The following LONRF2 variants were observed in gnomAD, a reference collection of about 807,000 sequenced individuals.
The protein encoded by LONRF2 is LON peptidase N-terminal domain and ring finger 2, also known as LON peptidase N-terminal domain and RING finger protein 2.
In LONRF2, 35 loss-of-function variants were observed where a neutral mutation model predicts 66.6. The ratio of observed to expected loss-of-function variants is 0.53; its 90% CI spans 0.40 to 0.70. The LOEUF (loss-of-function observed/expected upper bound fraction) is 0.70. Among genes scored for constraint, LONRF2 ranks in the 30% least tolerant of loss-of-function variants. The pLI is 0.00. For missense variants in LONRF2, 902 were observed against 1,002.1 expected, an observed-to-expected ratio of 0.90 and a Z score of 1.35; for synonymous variants, 417 against 418.1, an observed-to-expected ratio of 1.00 and a Z score of 0.03.
At position 100,287,031 on chromosome 2, in the gene LONRF2, A is replaced by G; in HGVS notation, c.1953T>C (p.Ala651=). The G allele has an allele frequency of 1.2e-6, 2 of 1,614,000 alleles. No homozygotes were observed. Among genetic ancestry groups the G allele is most frequent in the South Asian group, 1.1e-5 (1 of 91,022 alleles). The change falls in exon 11 of 12, where the codon GCT becomes GCC. Residue 651 remains alanine, a synonymous_variant. Coordinates refer to ENST00000393437, the MANE Select transcript of LONRF2 (RefSeq NM_198461.4). ...VEGPEYEELA[A]LHDSVHQQSV... ...ACTGTTGATGCACAGAATCGTGGAG[A>G]GCGGCAAGTTCTTCATACTCTGGAC...
intron 1 of LONRF2, among the ~76,000 whole-genome samples, chr2:100,318,194 T>C (rs1333690987): frequency 2.6e-5 from 4 of 152,230 alleles, no homozygotes; most frequent in Non-Finnish European, 5.9e-5. Context: ...AACTTGCTTC[T>C]GAGTTTTCTC....
rs1674681341 is a variant in LONRF2, at chr2:100,280,018, T to C, written c.*4280A>G. ...TGTCAATGGCATCCACCTTTCTGCG[T>C]CCTCAATCAGTTACTTTTATCAGAC... On this transcript the variant is annotated 3_prime_UTR_variant, in exon 12 of 12. Transcript: ENST00000393437. 6.6e-6 allele frequency: 1 copy of C among 152,212 alleles called. No homozygotes were observed. Among genetic ancestry groups the C allele is most frequent in the African/African-American group, 2.4e-5 (1 of 41,454 alleles). 9.4% of individuals were successfully genotyped at this position (152,212 alleles called of 1,614,324 possible). A position where few individuals can be genotyped will look rare whatever the true frequency, so the allele number is the denominator to read the frequency against.
chr2:100,285,815 C>T (rs1674834182), intron 11 of LONRF2, among the ~76,000 whole-genome samples: 1 of 152,158 alleles, frequency 6.6e-6, no homozygotes, highest in African/African-American at 2.4e-5. Context: ...CATAGTCTGG[C>T]CTGCAGAACC....
Position 100,300,763 on chromosome 2 carries a change from C to T in LONRF2, c.946G>A (p.Ala316Thr), listed in dbSNP as rs373599250. Residue 316 changes from alanine to threonine, a missense_variant, in exon 4 of 12, where the codon GCT becomes ACT. Physicochemically the swap from Ala to Thr is moderately conservative, Grantham distance 58 (BLOSUM62 0). Coordinates refer to ENST00000393437, the MANE Select transcript of LONRF2 (RefSeq NM_198461.4). ...QKVMCEVLFSATANVHENLTS... is the reference protein window; with the variant it reads ...QKVMCEVLFSTTANVHENLTS... ...AAATTTTCATGCACATTTGCTGTAG[C>T]TGAAAACAGCACTTCACACATTACC... The T allele has an allele frequency of 5.7e-5, 91 of 1,610,162 alleles. No homozygotes were observed. The highest frequency in any genetic ancestry group is 7.1e-5 in the Non-Finnish European group (84 of 1,178,862).
intron 10 of LONRF2, among the ~76,000 whole-genome samples, chr2:100,289,284 G>A (rs1291658086): frequency 6.6e-6 from 1 of 152,140 alleles, no homozygotes; most frequent in Non-Finnish European, 1.5e-5. Context: ...CTTCGACAGA[G>A]ACCACATGGC....
At chr2:100,317,626 A>G (rs966331735) in intron 1 of LONRF2, among the ~76,000 whole-genome samples, 9 of 152,322 alleles carry the variant, frequency 5.9e-5, no homozygotes, top group Admixed American at 5.9e-4. Flanking sequence ...CCCTCAGTAT[A>G]TCATGAAATG....
rs1215881905 is a variant in LONRF2 at position 100,308,096 on chromosome 2, G to A, written c.798+1011C>T. ...TTAAAAGATGGGAGGGAGGCCGGGC[G>A]TGGTGGCTCACGCCTGTAATCCCAG... On this transcript the variant is annotated intron_variant, in intron 2 of 11. Transcript: ENST00000393437. Among the ~76,000 whole-genome samples, 9 of 152,152 alleles carry A rather than the reference G, an allele frequency of 5.9e-5. No individual in the cohort carries two copies. The South Asian group carries it at 8.3e-4, about 14-fold the overall frequency.
chr2:100,305,144 G>A lies in LONRF2; in HGVS notation c.799-2101C>T, dbSNP rs1366717424. On this transcript the variant is annotated intron_variant, in intron 2 of 11. Coordinates refer to ENST00000393437, the MANE Select transcript of LONRF2 (RefSeq NM_198461.4). ...GAGTGTTTGTCCCAGTACTGTTTTT[G>A]TGCAGCTGCAGCTGTGGAGATAGAC... Among the ~76,000 whole-genome samples the A allele has an allele frequency of 2.6e-5, 4 of 152,144 alleles. No homozygotes were observed. In the East Asian group the frequency reaches 7.7e-4, roughly 29 times the overall value.
Position 100,321,703 on chromosome 2 carries a change from C to T in LONRF2, c.391G>A (p.Ala131Thr), listed in dbSNP as rs560279181. ...TCGCGGGGCGCGCGGGGCTCCGGGG[C>T]CGGCCCTCCCTCGCCGGGCGCCTCG... Reference protein sequence around the residue: ...EPEAPGEGGPAPEPRAPRDLL... With the variant: ...EPEAPGEGGPTPEPRAPRDLL... Residue 131 changes from alanine to threonine, a missense_variant, in exon 1 of 12, where the codon GCC becomes ACC. By Grantham distance (58) the Ala-to-Thr change is moderately conservative. Around this residue, in one of 2 missense-constraint regions of LONRF2, gnomAD observed 585 missense variants for 569.9 expected, o/e 1.03. Coordinates refer to ENST00000393437, the MANE Select transcript of LONRF2 (RefSeq NM_198461.4). 4,846 of 1,196,992 alleles carry T rather than the reference C, an allele frequency of 4.0e-3. 13 individuals carry two copies. The highest frequency in any genetic ancestry group is 7.0e-3 in the Middle Eastern group (21 of 2,988). 74.1% of individuals were successfully genotyped at this position (1,196,992 alleles called of 1,614,324 possible). A position where few individuals can be genotyped will look rare whatever the true frequency, so the allele number is the denominator to read the frequency against.
At chr2:100,295,745 G>A (rs1675053458) in intron 7 of LONRF2, among the ~76,000 whole-genome samples, 192 bp from the exon 8 acceptor site, 1 of 152,144 alleles carries the variant, frequency 6.6e-6, no homozygotes, top group Non-Finnish European at 1.5e-5. Flanking sequence ...AAAAGGCCAG[G>A]AGGAGGCGTT....
Position 100,321,927 on chromosome 2 carries a change from G to T in LONRF2, c.167C>A (p.Pro56Gln), listed in dbSNP as rs567988041. 7.2e-7 allele frequency: 1 copy of T among 1,385,852 alleles called. No individual in the cohort carries two copies. The highest frequency in any genetic ancestry group is 9.4e-7 in the Non-Finnish European group (1 of 1,067,178). 85.8% of individuals were successfully genotyped at this position (1,385,852 alleles called of 1,614,324 possible). ...CAGCCTCAGGCACAGGCCGCGGTCC[G>T]GCTGCGCCAGCCCGGCTAGCATGGA... ...FRSMLAGLAQPDRGLCLRLGD... is the reference protein window; with the variant it reads ...FRSMLAGLAQQDRGLCLRLGD... Residue 56 changes from proline (P) to glutamine (Q), a missense_variant, in exon 1 of 12, where the codon CCG becomes CAG. Pro to Gln is a moderately conservative substitution (Grantham distance 76, BLOSUM62 -1). This residue lies in a region of LONRF2 where 585 missense variants were observed against 569.9 expected (regional missense o/e 1.03). Transcript: ENST00000393437.
At position 100,299,316 on chromosome 2, in the gene LONRF2, A is replaced by G. The variant is rs1286276804; in HGVS notation, c.1271T>C (p.Leu424Pro). ...NAPGKIPKKD[L>P]SLQRSPNSET... is the part of the protein sequence containing the mutation. ...AGAGTTTGGGCTCCTTTGAAGTGAG[A>G]GATCTGAATGCGAAAAAATTTAAAA... Residue 424 changes from leucine (L) to proline (P), a missense_variant, in exon 6 of 12, where the codon CTC becomes CCC. Transcript: ENST00000393437. The G allele has an allele frequency of 1.3e-6, 2 of 1,552,308 alleles. No homozygotes were observed. Among genetic ancestry groups the G allele is most frequent in the South Asian group, 1.2e-5 (1 of 82,378 alleles).
intron 3 of LONRF2, 60 bp from the exon 4 acceptor site, chr2:100,300,847 G>T (rs1164471833): frequency 1.2e-5 from 16 of 1,355,798 alleles, no homozygotes; most frequent in Non-Finnish European, 1.6e-5. Context: ...TAAAAATATA[G>T]TATGTCTTAT....
chr2:100,312,781 C>A (rs1470765030), intron 1 of LONRF2, among the ~76,000 whole-genome samples: 1 of 152,174 alleles, frequency 6.6e-6, no homozygotes, highest in Non-Finnish European at 1.5e-5. Flanking sequence ...TTTTAAAACA[C>A]ATAAAATAAA....
rs545045753 is a variant in LONRF2, at chr2:100,274,290, T to C, written c.*10008A>G. ...CTCTGAGTGACTGAGAGAACTTCCT[T>C]AGCTGCAGGGCTGCAGGCAGGTGCT... On this transcript the variant is annotated 3_prime_UTR_variant, in exon 12 of 12. Transcript: ENST00000393437. 9.0e-4 allele frequency: 137 copies of C among 152,288 alleles called. No homozygotes were observed. The highest frequency in any genetic ancestry group is 3.1e-3 in the African/African-American group (129 of 41,546). The allele number at this position is 152,288 out of a possible 1,614,324, so 9.4% of individuals were successfully genotyped here.
In LONRF2 at chr2:100,321,939, C is replaced by T; in HGVS notation, c.155G>A (p.Gly52Glu). 7.1e-7 allele frequency: 1 copy of T among 1,417,832 alleles called. No individual in the cohort carries two copies. The highest frequency in any genetic ancestry group is 1.5e-5 in the South Asian group (1 of 68,360). 87.8% of individuals were successfully genotyped at this position (1,417,832 alleles called of 1,614,324 possible). A position where few individuals can be genotyped will look rare whatever the true frequency, so the allele number is the denominator to read the frequency against. Residue 52 changes from glycine (G) to glutamate (E), a missense_variant, in exon 1 of 12, where the codon GGG (glycine) becomes GAG (glutamate). Coordinates refer to ENST00000393437, the MANE Select transcript of LONRF2 (RefSeq NM_198461.4). ...CAGGCCGCGGTCCGGCTGCGCCAGCCCGGCTAGCATGGAGCGAAAGAGCTC... is the reference window on the plus strand; with the variant it reads ...CAGGCCGCGGTCCGGCTGCGCCAGCTCGGCTAGCATGGAGCGAAAGAGCTC... ...AAELFRSMLA[G>E]LAQPDRGLCL...
At chr2:100,309,279 T>C in intron 1 of LONRF2, 54 bp from the exon 2 acceptor site, 2 of 1,098,322 alleles carry the variant, frequency 1.8e-6, no homozygotes, top group Non-Finnish European at 1.4e-6. Flanking sequence ...TAAAAACAAG[T>C]AATCTTAATG....
chr2:100,290,251 G>A lies in LONRF2; in HGVS notation c.1920+7C>T. The A allele has an allele frequency of 6.2e-7, 1 of 1,611,238 alleles. No homozygotes were observed. Among genetic ancestry groups the A allele is most frequent in the Non-Finnish European group, 8.5e-7 (1 of 1,178,686 alleles). On this transcript the variant is annotated splice_region_variant and intron_variant, in intron 10 of 11. Coordinates refer to ENST00000393437, the MANE Select transcript of LONRF2 (RefSeq NM_198461.4). Reference sequence around the variant, plus strand: ...GCTATAAAATACACCAGTATGATAAGCCTTACCTTTTCATCTTCAAGATAT... The same window carrying A: ...GCTATAAAATACACCAGTATGATAAACCTTACCTTTTCATCTTCAAGATAT...
At chr2:100,299,432 C>T (rs1675133954) in intron 5 of LONRF2, 113 bp from the exon 6 acceptor site, 1 of 641,608 alleles carries the variant, frequency 1.6e-6, no homozygotes, top group Non-Finnish European at 2.6e-6. Context: ...TAACAAATCA[C>T]ACTGGGCAGA....
Sources: allele counts gnomAD v4.1 joint callset (sites outside exome capture counted in the v4.1 genomes callset), GRCh38; gene constraint gnomAD v4.1.1; regional missense constraint gnomAD v4.1.1; transcripts MANE v1.5; gene names NCBI Gene and HGNC (gene_info 2026-07-23, HGNC 2026-07-21).